The following STON2 variants were observed in gnomAD, a reference collection of about 807,000 sequenced individuals.
STON2 encodes the protein stonin-2.
STON2 carries 29 observed loss-of-function variants against 65.7 expected under a neutral mutation model. That is an observed-to-expected ratio of 0.44 (90% confidence interval 0.33 to 0.60). The LOEUF (loss-of-function observed/expected upper bound fraction) is 0.60, where lower values mean the gene tolerates loss of function less well. Among genes scored for constraint, STON2 ranks in the 20% least tolerant of loss-of-function variants. STON2 has a pLI of 0.03. For missense variants in STON2, 1,054 were observed against 1,118.1 expected (o/e 0.94, Z 0.82); for synonymous variants, 404 against 414.2 (o/e 0.98, Z 0.30).
At chr14:81,429,779 C>CA (rs2139927402) in intron 1 of STON2, among the ~76,000 whole-genome samples, 1 of 151,968 alleles carries the variant, frequency 6.6e-6, no homozygotes, top group East Asian at 1.9e-4. Context: ...ACTAAAAATA[C>CA]AAAAAATCAG....
intron 3 of STON2, among the ~76,000 whole-genome samples, chr14:81,379,199 T>C (rs1240034967): frequency 1.3e-5 from 2 of 152,098 alleles, no homozygotes. Flanking sequence ...AATCAACATA[T>C]AAAAGTGAAT....
chr14:81,392,712 AATT>A (rs1566940498), intron 3 of STON2, among the ~76,000 whole-genome samples: 1 of 152,178 alleles, frequency 6.6e-6, no homozygotes, highest in Non-Finnish European at 1.5e-5. Flanking sequence ...TTTTCAAGAC[AATT>A]ATTACAATTT....
At chr14:81,353,042 G>A (rs1898084824) in intron 4 of STON2, among the ~76,000 whole-genome samples, 1 of 152,108 alleles carries the variant, frequency 6.6e-6, no homozygotes, top group Admixed American at 6.5e-5. Context: ...AGAATGTATA[G>A]GACAGTAATA....
intron 5 of STON2, among the ~76,000 whole-genome samples, chr14:81,307,501 G>A (rs1238288204): frequency 2.0e-5 from 3 of 152,208 alleles, no homozygotes; most frequent in African/African-American, 7.2e-5. Flanking sequence ...GAATCCAAAT[G>A]TCACTGGCTG....
chr14:81,419,553 C>T (rs1901602204), intron 2 of STON2, among the ~76,000 whole-genome samples: 1 of 152,160 alleles, frequency 6.6e-6, no homozygotes, highest in African/African-American at 2.4e-5. Context: ...TGCCCAATTC[C>T]CCTAAATGAG....
At chr14:81,358,048 A>T (rs946244141) in intron 4 of STON2, among the ~76,000 whole-genome samples, 4 of 152,088 alleles carry the variant, frequency 2.6e-5, no homozygotes, top group Non-Finnish European at 4.4e-5. Context: ...AAATAAAATT[A>T]AAAAAATTAA....
chr14:81,422,219 T>A (rs954774118), intron 2 of STON2, among the ~76,000 whole-genome samples: 1 of 152,108 alleles, frequency 6.6e-6, no homozygotes, highest in African/African-American at 2.4e-5. Context: ...CTTGGTACCA[T>A]TCTCACAGGA....
chr14:81,346,433 A>G (rs982501104), intron 4 of STON2, among the ~76,000 whole-genome samples: 4 of 152,136 alleles, frequency 2.6e-5, no homozygotes, highest in Non-Finnish European at 5.9e-5. Context: ...AGGATGTATG[A>G]TCTAAAACTC....
At chr14:81,319,559 A>G (rs1440495436) in intron 5 of STON2, among the ~76,000 whole-genome samples, 1 of 152,228 alleles carries the variant, frequency 6.6e-6, no homozygotes, top group African/African-American at 2.4e-5. Flanking sequence ...TCAAGTCAGT[A>G]ATGAACTCTG....
chr14:81,383,579 C>T (rs905854503), intron 3 of STON2, among the ~76,000 whole-genome samples: 2 of 152,136 alleles, frequency 1.3e-5, no homozygotes, highest in African/African-American at 4.8e-5. Context: ...TGCTCCATCA[C>T]AATTTTTGCT....
intron 5 of STON2, among the ~76,000 whole-genome samples, chr14:81,306,413 T>C (rs1896187581): frequency 6.6e-6 from 1 of 151,576 alleles, no homozygotes; most frequent in African/African-American, 2.4e-5. Context: ...GGAGTTTATG[T>C]TGTCCAGGAT....
At chr14:81,368,149 T>TG (rs1205121606) in intron 4 of STON2, among the ~76,000 whole-genome samples, 7 of 152,176 alleles carry the variant, frequency 4.6e-5, no homozygotes, top group African/African-American at 1.4e-4. Context: ...ATGGAAGGTC[T>TG]GGGGGGTAAC....
At chr14:81,434,598 ATGGGT>A (rs976364433) in intron 1 of STON2, among the ~76,000 whole-genome samples, 6 of 151,990 alleles carry the variant, frequency 3.9e-5, no homozygotes, top group African/African-American at 1.2e-4. Context: ...TTCCTAGCCT[ATGGGT>A]TGGGGGATAG....
At chr14:81,372,292 G>C (rs1364901295) in intron 3 of STON2, among the ~76,000 whole-genome samples, 1 of 152,118 alleles carries the variant, frequency 6.6e-6, no homozygotes, top group Non-Finnish European at 1.5e-5. Context: ...GGTGGCTCAC[G>C]CCTGTAATCC....
Position 81,266,610 on chromosome 14 carries a change from C to T in STON2, c.*1804G>A. 1 of 917,390 alleles carries T rather than the reference C, an allele frequency of 1.1e-6. No individual in the cohort carries two copies. The highest frequency in any genetic ancestry group is 5.0e-5 in the South Asian group (1 of 20,048). The allele number at this position is 917,390 out of a possible 1,614,324, so 56.8% of individuals were successfully genotyped here. ...ATATGATACCCATAATTGAACTCAA[C>T]CCTCCATTTAGATATGGACTAGATG... On this transcript the variant is annotated 3_prime_UTR_variant, in exon 8 of 8. Transcript: ENST00000614646.
At chr14:81,333,311 T>C (rs1340074656) in intron 4 of STON2, 2 of 646,954 alleles carry the variant, frequency 3.1e-6, no homozygotes, top group East Asian at 5.9e-5. Flanking sequence ...TCCTCTGAAG[T>C]CGTTGGTTGG....
intron 5 of STON2, among the ~76,000 whole-genome samples, chr14:81,285,992 A>C (rs1019224532): frequency 2.0e-5 from 3 of 152,116 alleles, no homozygotes; most frequent in African/African-American, 7.2e-5. Flanking sequence ...TACTAAAAAT[A>C]CAAAAATTAG....
intron 3 of STON2, among the ~76,000 whole-genome samples, chr14:81,378,728 T>G (rs1207243412): frequency 6.6e-6 from 1 of 152,222 alleles, no homozygotes; most frequent in Non-Finnish European, 1.5e-5. Flanking sequence ...TCAAGAACTA[T>G]TTTTAGCCCC....
chr14:81,270,618 T>A, intron 7 of STON2, 52 bp downstream of exon 7: 1 of 1,614,004 alleles, frequency 6.2e-7, no homozygotes, highest in Non-Finnish European at 8.5e-7. Flanking sequence ...GGGAGGGTAG[T>A]GGGGTGAACA....
Sources: allele counts gnomAD v4.1 joint callset (sites outside exome capture counted in the v4.1 genomes callset), GRCh38; gene constraint gnomAD v4.1.1; transcripts MANE v1.5; gene names NCBI Gene and HGNC (gene_info 2026-07-23, HGNC 2026-07-21).